The following AMPH variants were observed in gnomAD, a reference collection of about 807,000 sequenced individuals.
AMPH encodes amphiphysin.
Under a neutral mutation model 99.1 loss-of-function variants are expected in AMPH, and 49 were observed. That is an observed-to-expected ratio of 0.49 (90% CI 0.39 to 0.63). The LOEUF is 0.63. AMPH is among the 20% of genes least tolerant of loss of function. The pLI, the probability that AMPH is intolerant of heterozygous loss-of-function variation, is 0.00. For synonymous variants in AMPH, 314 were observed against 317.3 expected, an observed-to-expected ratio of 0.99 and a Z score of 0.11; for missense variants, 759 against 863.4, an observed-to-expected ratio of 0.88 and a Z score of 1.52.
At chr7:38,613,164 A>G (rs977919651) in intron 1 of AMPH, among the ~76,000 whole-genome samples, 2 of 152,212 alleles carry the variant, frequency 1.3e-5, no homozygotes, top group Non-Finnish European at 2.9e-5. Flanking sequence ...TCCATAATTG[A>G]CTCATTCCAA....
chr7:38,584,262 G>C (rs1002373506), intron 1 of AMPH, among the ~76,000 whole-genome samples: 4 of 152,122 alleles, frequency 2.6e-5, no homozygotes, highest in Non-Finnish European at 4.4e-5. Context: ...TGCTTCAGGG[G>C]ATAACAAGCT....
chr7:38,451,965 A>C lies in AMPH; in HGVS notation c.1017+9318T>G, dbSNP rs556650605. Among the ~76,000 whole-genome samples, 6 of 152,264 alleles carry C rather than the reference A, an allele frequency of 3.9e-5. No individual in the cohort carries two copies. In the South Asian group the frequency reaches 1.2e-3, roughly 32 times the overall value. Reference sequence around the variant, plus strand: ...CATAACCACGGGGCATCTCCCTACAAGCAGATAAGAACATTTACCAGAAAA... The same window carrying C: ...CATAACCACGGGGCATCTCCCTACACGCAGATAAGAACATTTACCAGAAAA... On this transcript the variant is annotated intron_variant, in intron 11 of 20. Coordinates refer to ENST00000356264, the MANE Select transcript of AMPH (RefSeq NM_001635.4).
rs2267805 is a variant in AMPH at position 38,410,771 on chromosome 7, A to G, written c.1398+7054T>C. ...CATATTCCTAATTCAAGGTCTTTCA[A>G]ATACATCCCCTTTGAAATTTGCTTT... is the stretch of plus-strand genomic sequence containing the variant. On this transcript the variant is annotated intron_variant, in intron 17 of 20. Coordinates refer to ENST00000356264, the MANE Select transcript of AMPH (RefSeq NM_001635.4). Among the ~76,000 whole-genome samples, 964 of 152,290 alleles carry G rather than the reference A, an allele frequency of 6.3e-3. 44 individuals carry two copies. The East Asian group carries it at 0.14, about 21-fold the overall frequency.
intron 2 of AMPH, among the ~76,000 whole-genome samples, chr7:38,533,472 C>T (rs137943332): frequency 4.6e-5 from 7 of 152,240 alleles, no homozygotes; most frequent in East Asian, 3.9e-4. Context: ...TTCAGGAATG[C>T]GTTTTGGCAA....
At chr7:38,525,271 TATATATAGAGAGAGAG>T (rs1338669053) in intron 2 of AMPH, among the ~76,000 whole-genome samples, 14 of 71,334 alleles carry the variant, frequency 2.0e-4, no homozygotes, top group South Asian at 1.5e-3. Flanking sequence ...TATATATATA[TATATATAGAGAGAGAG>T]AGAGAGAGAG....
chr7:38,482,958 C>A lies in AMPH; in HGVS notation c.397-5989G>T, dbSNP rs183635756. Among the ~76,000 whole-genome samples the A allele has an allele frequency of 1.9e-4, 29 of 152,210 alleles. 1 individual carries two copies. Among genetic ancestry groups the A allele is most frequent in the African/African-American group, 7.0e-4 (29 of 41,550 alleles). On this transcript the variant is annotated intron_variant, in intron 5 of 20. Coordinates refer to ENST00000356264, the MANE Select transcript of AMPH (RefSeq NM_001635.4). ...AATCAATTTTTGTTTGTAAGACACC[C>A]AGAAACTCGTTGAATAGCTCCTTAA...
intron 1 of AMPH, among the ~76,000 whole-genome samples, chr7:38,572,464 C>T (rs1291225867): frequency 1.3e-5 from 2 of 152,146 alleles, no homozygotes; most frequent in African/African-American, 2.4e-5. Flanking sequence ...CTCATTTTAC[C>T]CTCATCATTA....
intron 4 of AMPH, among the ~76,000 whole-genome samples, chr7:38,491,915 C>T (rs1273478448): frequency 1.3e-5 from 2 of 152,150 alleles, no homozygotes; most frequent in African/African-American, 2.4e-5. Flanking sequence ...CTTTTTATCC[C>T]AGCTGTGTGA....
Position 38,523,121 on chromosome 7 carries a change from AAG to A in AMPH, c.150+11808_150+11809del, listed in dbSNP as rs1480601825. ...GAAACTCTGTCTAAAAAAAAAAAAA[AAG>A]AAGGTGGGGGAGAGCCCAAATAAAG... On this transcript the variant is annotated intron_variant, in intron 2 of 20. Coordinates refer to ENST00000356264, the MANE Select transcript of AMPH (RefSeq NM_001635.4). Among the ~76,000 whole-genome samples the A allele has an allele frequency of 4.0e-4, 60 of 151,580 alleles. 2 individuals are homozygous for A. Among genetic ancestry groups the A allele is most frequent in the Admixed American group, 5.2e-4 (8 of 15,246 alleles).
intron 1 of AMPH, among the ~76,000 whole-genome samples, chr7:38,543,870 A>G (rs1474805708): frequency 6.6e-6 from 1 of 152,232 alleles, no homozygotes; most frequent in Non-Finnish European, 1.5e-5. Context: ...ATCCATCTAC[A>G]GAGTCTCAAA....
intron 1 of AMPH, among the ~76,000 whole-genome samples, chr7:38,591,657 A>G (rs572260012): frequency 2.7e-4 from 41 of 152,258 alleles, no homozygotes; most frequent in African/African-American, 9.9e-4. Flanking sequence ...ACGATTCTGC[A>G]AAGTTCCCCC....
At chr7:38,473,248 T>G (rs975487157) in intron 7 of AMPH, among the ~76,000 whole-genome samples, 2 of 152,146 alleles carry the variant, frequency 1.3e-5, no homozygotes, top group Non-Finnish European at 2.9e-5. Flanking sequence ...AAATAAAAAG[T>G]ATAACTGTCT....
At chr7:38,428,759 T>TC (rs770499663) in intron 14 of AMPH, 5 of 457,266 alleles carry the variant, frequency 1.1e-5, no homozygotes, top group African/African-American at 8.0e-5. Flanking sequence ...CCTTTTGAAT[T>TC]CCATCATGTA....
Position 38,525,139 on chromosome 7 carries a change from T to C in AMPH, c.150+9792A>G, listed in dbSNP as rs989623256. On this transcript the variant is annotated intron_variant, in intron 2 of 20. Transcript: ENST00000356264. ...TTGCAGTTGTGTGTGTGTGTATATA[T>C]ATAGTTGTGTTACTTGTGTGTATAT... Among the ~76,000 whole-genome samples the C allele has an allele frequency of 2.7e-5, 4 of 150,502 alleles. No individual in the cohort carries two copies. The Admixed American group carries it at 2.7e-4, about 10-fold the overall frequency.
At chr7:38,583,592 G>C (rs1415209963) in intron 1 of AMPH, among the ~76,000 whole-genome samples, 14 of 152,194 alleles carry the variant, frequency 9.2e-5, no homozygotes, top group Admixed American at 9.2e-4. Context: ...GTACAGGATA[G>C]ACATATTCTA....
At chr7:38,537,035 A>C (rs1790631326) in intron 1 of AMPH, among the ~76,000 whole-genome samples, 1 of 152,218 alleles carries the variant, frequency 6.6e-6, no homozygotes, top group Non-Finnish European at 1.5e-5. Context: ...CAATGGTTAA[A>C]GTAACAAGAA....
intron 2 of AMPH, among the ~76,000 whole-genome samples, chr7:38,526,317 T>C (rs565327546): frequency 2.0e-5 from 3 of 151,566 alleles, no homozygotes; most frequent in Non-Finnish European, 4.4e-5. Context: ...TCACCCAGGC[T>C]GGACTGCAGT....
chr7:38,391,627 G>T, intron 19 of AMPH, 121 bp downstream of exon 19: 1 of 963,876 alleles, frequency 1.0e-6, no homozygotes, highest in Non-Finnish European at 1.5e-6. Context: ...GTGGTGAAGG[G>T]AAAGCAGTTC....
intron 2 of AMPH, among the ~76,000 whole-genome samples, chr7:38,529,033 A>G (rs1790297751): frequency 6.6e-6 from 1 of 152,132 alleles, no homozygotes; most frequent in African/African-American, 2.4e-5. Flanking sequence ...CTATCTTAAA[A>G]GAGCTTCATG....
Sources: gnomAD v4.1 joint callset for allele counts (sites outside exome capture counted in the v4.1 genomes callset) on GRCh38, gnomAD v4.1.1 for gene constraint, MANE v1.5 for transcripts, NCBI Gene and HGNC (gene_info 2026-07-23, HGNC 2026-07-21) for gene names.